Variants in VPS13D observed in about 807,000 individuals in gnomAD.
The protein encoded by VPS13D is vacuolar protein sorting 13 homolog D.
Under a neutral mutation model 461.9 loss-of-function variants are expected in VPS13D, and 187 were observed. That is an observed-to-expected ratio of 0.40 (90% CI 0.36 to 0.46). The LOEUF is 0.46. Among genes scored for constraint, VPS13D ranks in the 20% least tolerant of loss-of-function variants. The pLI, the probability that VPS13D is intolerant of heterozygous loss-of-function variation, is 0.60. For synonymous variants in VPS13D, 1,951 were observed against 1,986.3 expected, an observed-to-expected ratio of 0.98 and a Z score of 0.47; for missense variants, 4,711 against 5,364.9, an observed-to-expected ratio of 0.88 and a Z score of 3.81.
At chr1:12,481,321 C>T (rs1197175583) in intron 67 of VPS13D, among the ~76,000 whole-genome samples, 2 of 152,214 alleles carry the variant, frequency 1.3e-5, no homozygotes, top group Non-Finnish European at 2.9e-5. Context: ...GTAGCTGTCA[C>T]CAGATGGGTC....
At chr1:12,328,979 C>T (rs940477964) in intron 36 of VPS13D, among the ~76,000 whole-genome samples, 1 of 152,334 alleles carries the variant, frequency 6.6e-6, no homozygotes, top group South Asian at 2.1e-4. Flanking sequence ...TTGCACATTA[C>T]AGAGCTTGCC....
Position 12,279,389 on chromosome 1 carries a change from C to T in VPS13D, c.4451-110C>T. On this transcript the variant is annotated intron_variant, in intron 19 of 69. Coordinates refer to ENST00000620676, the MANE Select transcript of VPS13D (RefSeq NM_015378.4). This position sits in a 1 kb window ranked among gnomAD's most constrained non-coding sequence, Gnocchi z 4.3. ...CCGGGTGCCAGGCTAACCTGCCCTC[C>T]TGGTCTAAGTGTAACTCATGGGCTG... 1 of 1,275,296 alleles carries T rather than the reference C, an allele frequency of 7.8e-7. No homozygotes were observed. The highest frequency in any genetic ancestry group is 1.5e-5 in the African/African-American group (1 of 67,806). 79.0% of individuals were successfully genotyped at this position (1,275,296 alleles called of 1,614,324 possible).
chr1:12,311,935 T>C lies in VPS13D; in HGVS notation c.6935+10T>C, dbSNP rs747617474. On this transcript the variant is annotated intron_variant, in intron 29 of 69. Coordinates refer to ENST00000620676, the MANE Select transcript of VPS13D (RefSeq NM_015378.4). ...CTGGGTCCCTAGCCAGGTATGCCTT[T>C]GATTATATTATTATACTGTTAGTAA... 1 of 1,598,278 alleles carries C rather than the reference T, an allele frequency of 6.3e-7. No individual in the cohort carries two copies. Among genetic ancestry groups the C allele is most frequent in the African/African-American group, 1.3e-5 (1 of 74,600 alleles).
intron 60 of VPS13D, among the ~76,000 whole-genome samples, chr1:12,396,606 C>A (rs1256050189): frequency 1.3e-5 from 2 of 152,130 alleles, no homozygotes; most frequent in Non-Finnish European, 2.9e-5. Context: ...CCCAAATGGA[C>A]GAACTACATC....
intron 49 of VPS13D, among the ~76,000 whole-genome samples, chr1:12,357,989 G>A (rs1271668341): frequency 1.3e-5 from 2 of 149,168 alleles, no homozygotes; most frequent in Non-Finnish European, 3.0e-5. Context: ...GGGCGACAGA[G>A]CAAGATTCCA....
intron 2 of VPS13D, among the ~76,000 whole-genome samples, chr1:12,239,464 A>T (rs891359909): frequency 6.6e-6 from 1 of 152,202 alleles, no homozygotes; most frequent in Non-Finnish European, 1.5e-5. Flanking sequence ...CAGGATTTCC[A>T]TAGGTGGCAC....
chr1:12,271,085 C>A lies in VPS13D; in HGVS notation c.2064C>A (p.Ile688=). The A allele has an allele frequency of 6.2e-7, 1 of 1,613,910 alleles. No homozygotes were observed. The highest frequency in any genetic ancestry group is 8.5e-7 in the Non-Finnish European group (1 of 1,179,962). Residue 688 remains isoleucine (I), a synonymous_variant, in exon 17 of 70, where the codon ATC becomes ATA. Transcript: ENST00000620676. ...TGAAGATGCAGACCAAGGCAGAAAT[C>A]CGGCAAACTCTTGATCGTTTGCTAG... ...NKLKMQTKAE[I]RQTLDRLLVG...
rs943666478 is a variant in VPS13D, at chr1:12,279,774, T to G, written c.4602+124T>G. On this transcript the variant is annotated intron_variant, in intron 20 of 69. Transcript: ENST00000620676. This position sits in a 1 kb window ranked among gnomAD's most constrained non-coding sequence, Gnocchi z 4.3. ...TTTTCAAAGATATATCACCCATGCA[T>G]AATACCATTGTTGAAACCTTGTTCC... 4.6e-6 allele frequency: 4 copies of G among 868,106 alleles called. No homozygotes were observed. The South Asian group carries it at 1.8e-4, about 38-fold the overall frequency. 53.8% of individuals were successfully genotyped at this position (868,106 alleles called of 1,614,324 possible).
At position 12,368,575 on chromosome 1, in the gene VPS13D, T is replaced by C. The variant is rs1644071762; in HGVS notation, c.10556T>C (p.Ile3519Thr). The change falls in exon 53 of 70, where the codon ATT (isoleucine) becomes ACT (threonine). Residue 3519 changes from isoleucine (I) to threonine (T), a missense_variant. Physicochemically the swap from Ile to Thr is moderately conservative, Grantham distance 89 (BLOSUM62 -1). Transcript: ENST00000620676. ...GATCAGTTACCTCCTCCTTTCCGAATTGACAACTTTTCTAAGGTATCAAGT... is the reference window on the plus strand; with the variant it reads ...GATCAGTTACCTCCTCCTTTCCGAACTGACAACTTTTCTAAGGTATCAAGT... ...DTDQLPPPFR[I>T]DNFSKVPVVF... 2.5e-6 allele frequency: 4 copies of C among 1,613,012 alleles called. No homozygotes were observed. Among genetic ancestry groups the C allele is most frequent in the Non-Finnish European group, 3.4e-6 (4 of 1,179,506 alleles).
chr1:12,249,240 C>G lies in VPS13D; in HGVS notation c.465C>G (p.Val155=), dbSNP rs773761813. ...CTTTGCAGTTAAAAATTCAAGATGT[C>G]CATTTACGCTTTGAAGATGGTGTCA... ...VENIELKIQD[V]HLRFEDGVTN... Residue 155 remains valine (V), a synonymous_variant, in exon 6 of 70, where the codon GTC becomes GTG. Coordinates refer to ENST00000620676, the MANE Select transcript of VPS13D (RefSeq NM_015378.4). 3.1e-6 allele frequency: 5 copies of G among 1,612,998 alleles called. No individual in the cohort carries two copies. The African/African-American group carries it at 6.7e-5, about 22-fold the overall frequency.
intron 63 of VPS13D, among the ~76,000 whole-genome samples, chr1:12,414,150 A>G (rs1471262219): frequency 1.3e-5 from 2 of 152,030 alleles, no homozygotes; most frequent in African/African-American, 4.8e-5. Context: ...TGGGCATGGT[A>G]GTTTGCACAT....
intron 19 of VPS13D, among the ~76,000 whole-genome samples, chr1:12,278,334 A>G (rs1389817609): frequency 6.6e-6 from 1 of 152,060 alleles, no homozygotes; most frequent in African/African-American, 2.4e-5. Flanking sequence ...GCAATGATGC[A>G]GTCTCAGCTC....
chr1:12,330,521 C>T (rs1051314125), intron 37 of VPS13D, among the ~76,000 whole-genome samples: 5 of 152,102 alleles, frequency 3.3e-5, no homozygotes, highest in Admixed American at 6.5e-5. Context: ...TCATTTATTT[C>T]GCCCTGAGAG....
chr1:12,311,698 A>C, intron 28 of VPS13D, 73 bp downstream of exon 28: 1 of 1,591,700 alleles, frequency 6.3e-7, no homozygotes. Context: ...TCTATTCCTC[A>C]AACTCACTTG....
Position 12,258,064 on chromosome 1 carries a change from C to T in VPS13D, c.1071C>T (p.Phe357=). ...RDAVSYTDKY[F]NKLKGGLLST... The stretch of plus-strand genomic sequence containing the variant: ...CTGTATCTTACACTGACAAATATTT[C>T]AACAAGTTAAAAGGAGGCCTGCTGT... The change falls in exon 10 of 70, where the codon TTC becomes TTT. Residue 357 remains phenylalanine, a synonymous_variant. Transcript: ENST00000620676. The T allele has an allele frequency of 6.2e-7, 1 of 1,614,148 alleles. No homozygotes were observed.
At chr1:12,315,358 C>CGA (rs943203385) in intron 30 of VPS13D, among the ~76,000 whole-genome samples, 1 of 152,116 alleles carries the variant, frequency 6.6e-6, no homozygotes, top group African/African-American at 2.4e-5. Context: ...TTTTGTTTTT[C>CGA]GAGAGAGGTC....
At chr1:12,402,621 T>C (rs1310994893) in intron 62 of VPS13D, 1 of 152,224 alleles carries the variant, frequency 6.6e-6, no homozygotes, top group Non-Finnish European at 1.5e-5. Flanking sequence ...ATCCTGTCTG[T>C]TTAATGCTGT....
chr1:12,329,537 G>T (rs1213212292), intron 36 of VPS13D, among the ~76,000 whole-genome samples: 1 of 152,208 alleles, frequency 6.6e-6, no homozygotes, highest in Non-Finnish European at 1.5e-5. Context: ...TGTTCCCACA[G>T]GCTTCAGGTA....
chr1:12,346,721 T>C, intron 44 of VPS13D, 69 bp downstream of exon 44: 1 of 1,401,032 alleles, frequency 7.1e-7, no homozygotes. Context: ...CATGTGGATA[T>C]ACATTTCTTA....
Sources: gnomAD v4.1 joint callset for allele counts (sites outside exome capture counted in the v4.1 genomes callset) on GRCh38, gnomAD v4.1.1 for gene constraint, Gnocchi (gnomAD v3.1) non-coding constraint, MANE v1.5 for transcripts, NCBI Gene and HGNC (gene_info 2026-07-23, HGNC 2026-07-21) for gene names.